The following ITGB4 variants were observed in gnomAD, a reference collection of about 807,000 sequenced individuals.
ITGB4 encodes integrin subunit beta 4.
A neutral mutation model predicts 207.6 loss-of-function variants in ITGB4; 159 were observed. The observed-to-expected ratio is 0.77, with a 90% CI of 0.67 to 0.87. The LOEUF is 0.87. ITGB4 is among the 40% of genes least tolerant of loss of function. The pLI, the probability that ITGB4 is intolerant of heterozygous loss-of-function variation, is 0.00. For missense variants in ITGB4, 2,278 were observed against 2,546.8 expected (o/e 0.89, Z 2.27); for synonymous variants, 1,020 against 1,062.7 (o/e 0.96, Z 0.78).
Position 75,755,758 on chromosome 17 carries a change from T to G in ITGB4, c.4616T>G (p.Leu1539Arg). Residue 1539 changes from leucine to arginine, a missense_variant, in exon 35 of 40, where the codon CTG becomes CGG. By Grantham distance (102) the Leu-to-Arg change is moderately radical. Coordinates refer to ENST00000200181, the MANE Select transcript of ITGB4 (RefSeq NM_000213.5). ...CCCACCCGCCTGGTGTTCTCTGCCC[T>G]GGGGCCCACATCTCTCAGAGTGAGC... The part of the protein sequence containing the change: ...DTPTRLVFSA[L>R]GPTSLRVSWQ... 6.2e-7 allele frequency: 1 copy of G among 1,612,850 alleles called. No individual in the cohort carries two copies. The highest frequency in any genetic ancestry group is 8.5e-7 in the Non-Finnish European group (1 of 1,179,944).
At position 75,727,126 on chromosome 17, in the gene ITGB4, G is replaced by C; in HGVS notation, c.80-69G>C. On this transcript the variant is annotated intron_variant, in intron 2 of 39. Transcript: ENST00000200181. This position sits in a 1 kb window ranked among gnomAD's most constrained non-coding sequence, Gnocchi z 6.0. Reference sequence around the variant, plus strand: ...GGAATCCCCATCTCTCCAGGTGAAGGTGCAGGTGGGAAAGTGCTTGCCTTT... The same window carrying C: ...GGAATCCCCATCTCTCCAGGTGAAGCTGCAGGTGGGAAAGTGCTTGCCTTT... The C allele has an allele frequency of 8.4e-7, 1 of 1,184,808 alleles. No homozygotes were observed. Among genetic ancestry groups the C allele is most frequent in the Non-Finnish European group, 1.3e-6 (1 of 798,060 alleles). 73.4% of individuals were successfully genotyped at this position (1,184,808 alleles called of 1,614,324 possible).
intron 35 of ITGB4, among the ~76,000 whole-genome samples, 199 bp from the exon 36 acceptor site, chr17:75,756,230 T>A (rs578054052): frequency 6.6e-6 from 1 of 152,040 alleles, no homozygotes; most frequent in Non-Finnish European, 1.5e-5. Flanking sequence ...TAAACATGAG[T>A]GGGATTACAG....
In ITGB4 at chr17:75,731,746, C is replaced by T. The variant is rs1360637558; in HGVS notation, c.1216-66C>T. ...TAGGAACTTGGGGGCCGAGGGCCTT[C>T]AGGCATCGATGGCCCCCTGGTCCTT... On this transcript the variant is annotated intron_variant, in intron 10 of 39. Transcript: ENST00000200181. The surrounding 1 kb of genome is among the most constrained non-coding windows in gnomAD (Gnocchi z 6.8). 6.7e-6 allele frequency: 10 copies of T among 1,492,190 alleles called. No individual in the cohort carries two copies. The highest frequency in any genetic ancestry group is 2.1e-5 in the Admixed American group (1 of 46,878). 92.4% of individuals were successfully genotyped at this position (1,492,190 alleles called of 1,614,324 possible). A position where few individuals can be genotyped will look rare whatever the true frequency, so the allele number is the denominator to read the frequency against.
Position 75,729,522 on chromosome 17 carries a change from G to C in ITGB4, c.738+86G>C. The C allele has an allele frequency of 7.0e-7, 1 of 1,420,936 alleles. No individual in the cohort carries two copies. The highest frequency in any genetic ancestry group is 9.5e-7 in the Non-Finnish European group (1 of 1,050,638). 88.0% of individuals were successfully genotyped at this position (1,420,936 alleles called of 1,614,324 possible). A position where few individuals can be genotyped will look rare whatever the true frequency, so the allele number is the denominator to read the frequency against. ...CTGAGCTGCCCCCTGGCCTGCTCTGGTGCCAGGCTCACAGGCCCTGAGGGA... is the reference window on the plus strand; with the variant it reads ...CTGAGCTGCCCCCTGGCCTGCTCTGCTGCCAGGCTCACAGGCCCTGAGGGA... On this transcript the variant is annotated intron_variant, in intron 7 of 39. Coordinates refer to ENST00000200181, the MANE Select transcript of ITGB4 (RefSeq NM_000213.5). This position sits in a 1 kb window ranked among gnomAD's most constrained non-coding sequence, Gnocchi z 4.4.
rs1381922208 is a variant in ITGB4 at position 75,750,874 on chromosome 17, A to G, written c.3655+14A>G. 6.2e-7 allele frequency: 1 copy of G among 1,613,328 alleles called. No individual in the cohort carries two copies. Among genetic ancestry groups the G allele is most frequent in the Admixed American group, 1.7e-5 (1 of 59,994 alleles). ...CCCACCAGGAAGGTGAGGCCTCGCC[A>G]TGTCTGTCCATTTGTCCCCTGGCTG... On this transcript the variant is annotated intron_variant, in intron 29 of 39. Transcript: ENST00000200181. The surrounding 1 kb of genome is among the most constrained non-coding windows in gnomAD (Gnocchi z 5.5).
intron 18 of ITGB4, among the ~76,000 whole-genome samples, chr17:75,738,975 GA>G (rs79088186): frequency 0.072 from 10,074 of 140,082 alleles, 739 homozygotes; most frequent in East Asian, 0.33. Context: ...GACTCAAAAA[GA>G]AAAAAAAAAA....
At position 75,751,673 on chromosome 17, in the gene ITGB4, G is replaced by A. The variant is rs747078896; in HGVS notation, c.3794-501G>A. On this transcript the variant is annotated intron_variant, in intron 30 of 39. Transcript: ENST00000200181. The stretch of plus-strand genomic sequence containing the variant: ...GGAGAATCACTTGAACCCAGAAGGC[G>A]CAGGTTGCAGTGAACCGAGATCGTG... The A allele has an allele frequency of 1.2e-3, 266 of 218,220 alleles. 2 individuals are homozygous for A. The highest frequency in any genetic ancestry group is 1.5e-3 in the Non-Finnish European group (157 of 106,994). 13.5% of individuals were successfully genotyped at this position (218,220 alleles called of 1,614,324 possible).
In ITGB4 at chr17:75,756,953, C is replaced by G. The variant is rs761469169; in HGVS notation, c.5064C>G (p.Thr1688=). 1 of 1,612,604 alleles carries G rather than the reference C, an allele frequency of 6.2e-7. No individual in the cohort carries two copies. Among genetic ancestry groups the G allele is most frequent in the South Asian group, 1.1e-5 (1 of 91,076 alleles). ...CEMAQGGGPA[T]AFRVDGDSPE... Reference sequence around the variant, plus strand: ...ATCTTCCCTGCTCAGGGCCAGCCACCGCATTCCGGGTGGATGGAGACAGCC... The same window carrying G: ...ATCTTCCCTGCTCAGGGCCAGCCACGGCATTCCGGGTGGATGGAGACAGCC... The change falls in exon 38 of 40, where the codon ACC becomes ACG. Residue 1688 remains threonine (T), a synonymous_variant. Transcript: ENST00000200181.
rs117608736 is a variant in ITGB4, at chr17:75,739,533, G to A, written c.2221-139G>A. 7,392 of 964,224 alleles carry A rather than the reference G, an allele frequency of 7.7e-3. 34 individuals are homozygous for A. Among genetic ancestry groups the A allele is most frequent in the Non-Finnish European group, 0.011 (6,560 of 609,470 alleles). The allele number at this position is 964,224 out of a possible 1,614,324, so 59.7% of individuals were successfully genotyped here. On this transcript the variant is annotated intron_variant, in intron 18 of 39. Coordinates refer to ENST00000200181, the MANE Select transcript of ITGB4 (RefSeq NM_000213.5). The surrounding 1 kb of genome is among the most constrained non-coding windows in gnomAD (Gnocchi z 5.4). ...CCCTTGTGTGCCATGCTTACACCCT[G>A]CTACCACCTGGATATTCTGGTGTCT...
At chr17:75,745,879 GA>G (rs2143235133) in intron 26 of ITGB4, among the ~76,000 whole-genome samples, 1 of 151,256 alleles carries the variant, frequency 6.6e-6, no homozygotes, top group African/African-American at 2.4e-5. Flanking sequence ...ACTCTGTCTC[GA>G]AAAAAGAAAA....
chr17:75,727,247 G>C lies in ITGB4; in HGVS notation c.132G>C (p.Val44=). Residue 44 remains valine, a synonymous_variant, in exon 3 of 40, where the codon GTG becomes GTC. Transcript: ENST00000200181. The surrounding 1 kb of genome is among the most constrained non-coding windows in gnomAD (Gnocchi z 6.0). ...PVKSCTECVR[V]DKDCAYCTDE... is the part of the protein sequence containing the mutation. ...AGAGCTGCACGGAGTGTGTCCGTGT[G>C]GATAAGGACTGCGCCTACTGCACAG... 1 of 1,614,050 alleles carries C rather than the reference G, an allele frequency of 6.2e-7. No individual in the cohort carries two copies. The highest frequency in any genetic ancestry group is 1.1e-5 in the South Asian group (1 of 91,042).
chr17:75,744,551 G>A (rs72860352), intron 26 of ITGB4, among the ~76,000 whole-genome samples: 5,363 of 152,234 alleles, frequency 0.035, 163 homozygotes, highest in Non-Finnish European at 0.054. Flanking sequence ...CAGTCCAGGG[G>A]GCTTTGGGTT....
Position 75,731,064 on chromosome 17 carries a change from G to A in ITGB4, c.1092+100G>A. 1.4e-6 allele frequency: 2 copies of A among 1,420,404 alleles called. No individual in the cohort carries two copies. Among genetic ancestry groups the A allele is most frequent in the South Asian group, 2.4e-5 (2 of 84,734 alleles). 88.0% of individuals were successfully genotyped at this position (1,420,404 alleles called of 1,614,324 possible). On this transcript the variant is annotated intron_variant, in intron 9 of 39. Coordinates refer to ENST00000200181, the MANE Select transcript of ITGB4 (RefSeq NM_000213.5). The surrounding 1 kb of genome is among the most constrained non-coding windows in gnomAD (Gnocchi z 6.8). ...GTCTTGGATCACGGTGGAGAAATGGGTCTGGGACAGACCAGTGAGGAAGGG... is the reference window on the plus strand; with the variant it reads ...GTCTTGGATCACGGTGGAGAAATGGATCTGGGACAGACCAGTGAGGAAGGG...
intron 34 of ITGB4, chr17:75,755,158 CCCA>C: frequency 1.2e-6 from 2 of 1,611,632 alleles, no homozygotes; most frequent in Non-Finnish European, 1.7e-6. Context: ...CTTCCAGGGG[CCCA>C]CGAGACTCTA....
At position 75,733,644 on chromosome 17, in the gene ITGB4, G is replaced by A. The variant is rs749548974; in HGVS notation, c.1609G>A (p.Glu537Lys). 8.1e-5 allele frequency: 130 copies of A among 1,614,084 alleles called. 1 individual carries two copies. The South Asian group carries it at 1.3e-3, about 17-fold the overall frequency. ...GEGRYEGQFCEYDNFQCPRTS... is the reference protein window; with the variant it reads ...GEGRYEGQFCKYDNFQCPRTS... ...AGGCCGCTACGAGGGTCAGTTCTGC[G>A]AGTATGACAACTTCCAGTGTCCCCG... The change falls in exon 13 of 40, where the codon GAG (glutamate) becomes AAG (lysine). Residue 537 changes from glutamate to lysine, a missense_variant. Physicochemically the swap from Glu to Lys is moderately conservative, Grantham distance 56. Coordinates refer to ENST00000200181, the MANE Select transcript of ITGB4 (RefSeq NM_000213.5).
intron 1 of ITGB4, among the ~76,000 whole-genome samples, chr17:75,723,458 C>T (rs530251921): frequency 2.6e-5 from 4 of 152,104 alleles, no homozygotes; most frequent in Non-Finnish European, 2.9e-5. Context: ...GTGGGTGTGG[C>T]GGCTACACCC....
At chr17:75,756,382 G>A (rs2061502646) in intron 35 of ITGB4, 47 bp from the exon 36 acceptor site, 1 of 1,603,056 alleles carries the variant, frequency 6.2e-7, no homozygotes, top group South Asian at 1.1e-5. Flanking sequence ...CAGGCCAGGG[G>A]TGGGAGTAAC....
chr17:75,745,886 GAA>G (rs200421144), intron 26 of ITGB4, among the ~76,000 whole-genome samples: 1 of 149,080 alleles, frequency 6.7e-6, no homozygotes, highest in African/African-American at 2.5e-5. Flanking sequence ...CTCGAAAAAA[GAA>G]AAAAAAAATT....
At position 75,753,907 on chromosome 17, in the gene ITGB4, G is replaced by A. The variant is rs994701306; in HGVS notation, c.4251G>A (p.Pro1417=). ...ACGCCGAGGCGCCCCACGGGCCCCC[G>A]GACGACGGCGGCGCGGGCGGGAAGG... ...SSDAEAPHGP[P]DDGGAGGKGG... The change falls in exon 33 of 40, where the codon CCG becomes CCA. Residue 1417 remains proline, a synonymous_variant. Transcript: ENST00000200181. 38 of 1,290,132 alleles carry A rather than the reference G, an allele frequency of 2.9e-5. No individual in the cohort carries two copies. The highest frequency in any genetic ancestry group is 3.5e-5 in the Non-Finnish European group (36 of 1,025,258). 79.9% of individuals were successfully genotyped at this position (1,290,132 alleles called of 1,614,324 possible).
Sources: gnomAD v4.1 joint callset for allele counts (sites outside exome capture counted in the v4.1 genomes callset) on GRCh38, gnomAD v4.1.1 for gene constraint, Gnocchi (gnomAD v3.1) non-coding constraint, MANE v1.5 for transcripts, NCBI Gene and HGNC (gene_info 2026-07-23, HGNC 2026-07-21) for gene names.